Variants in CACNG4 observed in about 807,000 individuals in gnomAD.
The protein encoded by CACNG4 is voltage-dependent calcium channel gamma-4 subunit.
CACNG4 carries 8 observed loss-of-function variants against 22.9 expected under a neutral mutation model. That is an observed-to-expected ratio of 0.35 (90% CI 0.21 to 0.63). The LOEUF is 0.63. Among genes scored for constraint, CACNG4 ranks in the 30% least tolerant of loss-of-function variants. The pLI is 0.72. For synonymous variants in CACNG4, 188 were observed against 191.9 expected (o/e 0.98, Z 0.17); for missense variants, 357 against 455.4 (o/e 0.78, Z 1.97).
At chr17:67,028,794 C>T (rs1228476605) in intron 3 of CACNG4, among the ~76,000 whole-genome samples, 1 of 152,172 alleles carries the variant, frequency 6.6e-6, no homozygotes, top group Non-Finnish European at 1.5e-5. Context: ...AGAACTCAAA[C>T]CCCACCAGTG....
At chr17:66,982,682 G>A (rs914013959) in intron 1 of CACNG4, among the ~76,000 whole-genome samples, 4 of 152,138 alleles carry the variant, frequency 2.6e-5, no homozygotes, top group African/African-American at 9.7e-5. Context: ...TCAGCCTCTT[G>A]AGTATCTGGG....
chr17:67,013,177 G>C (rs1233716858), intron 1 of CACNG4, among the ~76,000 whole-genome samples: 2 of 152,030 alleles, frequency 1.3e-5, no homozygotes, highest in Non-Finnish European at 2.9e-5. Flanking sequence ...TGACCCCAAG[G>C]CATGACCTTC....
Position 66,964,936 on chromosome 17 carries a change from C to G in CACNG4, c.25C>G (p.Gln9Glu), listed in dbSNP as rs2035156874. 1.3e-6 allele frequency: 2 copies of G among 1,591,700 alleles called. No individual in the cohort carries two copies. Among genetic ancestry groups the G allele is most frequent in the Non-Finnish European group, 1.7e-6 (2 of 1,172,142 alleles). The change falls in exon 1 of 4, where the codon CAG becomes GAG. Residue 9 changes from glutamine (Q) to glutamate (E), a missense_variant. Gln to Glu is a conservative substitution (Grantham distance 29, BLOSUM62 2). Transcript: ENST00000262138. MVRCDRGL[Q>E]MLLTTAGAFA... ...CATGGTGCGATGCGACCGCGGGCTGCAGATGCTGCTGACCACGGCCGGAGC... is the reference window on the plus strand; with the variant it reads ...CATGGTGCGATGCGACCGCGGGCTGGAGATGCTGCTGACCACGGCCGGAGC...
chr17:66,986,915 C>A (rs2035308559), intron 1 of CACNG4, among the ~76,000 whole-genome samples: 1 of 152,154 alleles, frequency 6.6e-6, no homozygotes, highest in Non-Finnish European at 1.5e-5. Flanking sequence ...AAAATGAGGC[C>A]ACATTCTGAG....
intron 1 of CACNG4, among the ~76,000 whole-genome samples, chr17:66,980,474 G>C (rs982947148): frequency 7.9e-5 from 12 of 152,112 alleles, no homozygotes; most frequent in African/African-American, 2.9e-4. Flanking sequence ...AGCAGAAGAC[G>C]CTTGCTTTTT....
intron 2 of CACNG4, among the ~76,000 whole-genome samples, chr17:67,023,575 CTTT>C (rs34734003): frequency 7.5e-6 from 1 of 133,480 alleles, no homozygotes. Flanking sequence ...GCGCCCAGCC[CTTT>C]TTTTTTTTTT....
chr17:66,981,645 G>A (rs964528194), intron 1 of CACNG4, among the ~76,000 whole-genome samples: 4 of 152,150 alleles, frequency 2.6e-5, no homozygotes, highest in African/African-American at 7.2e-5. Flanking sequence ...TGAGTAGGAC[G>A]GTGCTCAGGC....
intron 3 of CACNG4, among the ~76,000 whole-genome samples, chr17:67,029,374 G>A (rs569998672): frequency 1.3e-5 from 2 of 151,078 alleles, no homozygotes; most frequent in Non-Finnish European, 3.0e-5. Flanking sequence ...GCTCACGCCT[G>A]TAATCCCAGC....
Position 67,031,999 on chromosome 17 carries a change from C to T in CACNG4, c.*995C>T. 1 of 456,464 alleles carries T rather than the reference C, an allele frequency of 2.2e-6. No individual in the cohort carries two copies. Among genetic ancestry groups the T allele is most frequent in the Non-Finnish European group, 4.4e-6 (1 of 226,846 alleles). The allele number at this position is 456,464 out of a possible 1,614,324, so 28.3% of individuals were successfully genotyped here. The stretch of plus-strand genomic sequence containing the variant: ...GCCAATAAAAACCCTAGAGAACAAA[C>T]ATCCATTTCCTAGGTGGTTACAAAT... On this transcript the variant is annotated 3_prime_UTR_variant, in exon 4 of 4. Coordinates refer to ENST00000262138, the MANE Select transcript of CACNG4 (RefSeq NM_014405.4). This position sits in a 1 kb window ranked among gnomAD's most constrained non-coding sequence, Gnocchi z 4.0.
At chr17:66,980,750 C>G (rs766903501) in intron 1 of CACNG4, among the ~76,000 whole-genome samples, 28 of 150,900 alleles carry the variant, frequency 1.9e-4, no homozygotes, top group South Asian at 4.2e-4. Flanking sequence ...TCCTGAGTAG[C>G]TGGAATTACA....
chr17:67,026,966 T>A (rs2035571841), intron 3 of CACNG4, among the ~76,000 whole-genome samples: 1 of 151,424 alleles, frequency 6.6e-6, no homozygotes, highest in Admixed American at 6.6e-5. Context: ...TCAAAAGGTG[T>A]GAGCCGTTTA....
At chr17:66,983,074 T>A (rs1167068512) in intron 1 of CACNG4, among the ~76,000 whole-genome samples, 1 of 152,224 alleles carries the variant, frequency 6.6e-6, no homozygotes, top group African/African-American at 2.4e-5. Context: ...CCAGGCTGTC[T>A]GGCTTCAGAT....
At chr17:66,987,919 T>C (rs559892826) in intron 1 of CACNG4, among the ~76,000 whole-genome samples, 1 of 151,968 alleles carries the variant, frequency 6.6e-6, no homozygotes, top group South Asian at 2.1e-4. Flanking sequence ...TCATGCACGA[T>C]GTTGGCATGC....
chr17:66,966,163 G>A (rs989089524), intron 1 of CACNG4, among the ~76,000 whole-genome samples: 17 of 152,218 alleles, frequency 1.1e-4, no homozygotes, highest in Non-Finnish European at 1.9e-4. Flanking sequence ...GCCAAAATGC[G>A]CTCGGCTTCG....
intron 1 of CACNG4, among the ~76,000 whole-genome samples, chr17:66,988,230 T>C (rs1380173685): frequency 6.6e-6 from 1 of 152,088 alleles, no homozygotes; most frequent in African/African-American, 2.4e-5. Context: ...TCCTGTCCTG[T>C]TGCCATGGCG....
chr17:66,981,476 C>T (rs1308992369), intron 1 of CACNG4, among the ~76,000 whole-genome samples: 1 of 152,232 alleles, frequency 6.6e-6, no homozygotes, highest in Non-Finnish European at 1.5e-5. Flanking sequence ...AGGAAATTTA[C>T]CTGGTTTTTT....
At chr17:66,982,118 A>C (rs1244279905) in intron 1 of CACNG4, among the ~76,000 whole-genome samples, 2 of 152,192 alleles carry the variant, frequency 1.3e-5, no homozygotes, top group East Asian at 1.9e-4. Context: ...GGACCCAAAG[A>C]GTGAGCAGCA....
chr17:67,030,752 G>A lies in CACNG4; in HGVS notation c.732G>A (p.Arg244=), dbSNP rs780374055. The A allele has an allele frequency of 1.2e-6, 2 of 1,614,194 alleles. No individual in the cohort carries two copies. Among genetic ancestry groups the A allele is most frequent in the African/African-American group, 1.3e-5 (1 of 75,044 alleles). ...ACAGGTACCGGCGACGGCGCTCGAG[G>A]TCCAGCTCAAGGTCCACCGAGGCCT... The part of the protein sequence containing the change: ...PSYRYRRRRS[R]SSSRSTEASP... The change falls in exon 4 of 4, where the codon AGG becomes AGA. Residue 244 remains arginine (R), a synonymous_variant. Coordinates refer to ENST00000262138, the MANE Select transcript of CACNG4 (RefSeq NM_014405.4). The surrounding 1 kb of genome is among the most constrained non-coding windows in gnomAD (Gnocchi z 6.4).
At chr17:66,967,201 C>T (rs1041703276) in intron 1 of CACNG4, among the ~76,000 whole-genome samples, 2 of 152,228 alleles carry the variant, frequency 1.3e-5, no homozygotes, top group Non-Finnish European at 2.9e-5. Context: ...ATTTGCACTT[C>T]GGTGTTCATC....
Sources: allele counts gnomAD v4.1 joint callset (sites outside exome capture counted in the v4.1 genomes callset), GRCh38; gene constraint gnomAD v4.1.1; non-coding constraint Gnocchi (gnomAD v3.1); transcripts MANE v1.5; gene names NCBI Gene and HGNC (gene_info 2026-07-23, HGNC 2026-07-21).